Variants in TRAPPC9 observed in about 807,000 individuals in gnomAD.
The protein encoded by TRAPPC9 is trafficking protein particle complex subunit 9, also known as IKK2 binding protein.
Under a neutral mutation model 124.0 loss-of-function variants are expected in TRAPPC9, and 83 were observed. The ratio of observed to expected loss-of-function variants is 0.67; its 90% CI spans 0.56 to 0.80. The LOEUF (loss-of-function observed/expected upper bound fraction) is 0.80, where lower values mean the gene tolerates loss of function less well. Among genes scored for constraint, TRAPPC9 ranks in the 30% least tolerant of loss-of-function variants. The pLI, the probability that TRAPPC9 is intolerant of heterozygous loss-of-function variation, is 0.00. For synonymous variants in TRAPPC9, 638 were observed against 617.5 expected, an observed-to-expected ratio of 1.03 and a Z score of -0.49; for missense variants, 1,302 against 1,508.3, an observed-to-expected ratio of 0.86 and a Z score of 2.27.
At chr8:140,378,145 T>C (rs930696469) in intron 7 of TRAPPC9, among the ~76,000 whole-genome samples, 1 of 152,200 alleles carries the variant, frequency 6.6e-6, no homozygotes, top group Non-Finnish European at 1.5e-5. Flanking sequence ...GAGTTTGTGG[T>C]CACTCTTATA....
At chr8:139,816,854 A>C (rs1462903950) in intron 21 of TRAPPC9, among the ~76,000 whole-genome samples, 5 of 151,252 alleles carry the variant, frequency 3.3e-5, no homozygotes, top group Admixed American at 1.3e-4. Flanking sequence ...TTGGAACCAA[A>C]CTCACGGCCC....
chr8:140,458,474 G>T, upstream of TRAPPC9: 1 of 1,572,002 alleles, frequency 6.4e-7, no homozygotes, highest in Non-Finnish European at 8.6e-7. Flanking sequence ...CTCCAGGATC[G>T]CAGGGCCCGG....
At chr8:139,940,640 AG>A (rs1833854120) in intron 19 of TRAPPC9, among the ~76,000 whole-genome samples, 2 of 152,130 alleles carry the variant, frequency 1.3e-5, no homozygotes, top group Non-Finnish European at 1.5e-5. Context: ...GCCACGCTCC[AG>A]CTAGGCCAAT....
intron 21 of TRAPPC9, among the ~76,000 whole-genome samples, chr8:139,805,155 T>C (rs1823954513): frequency 6.6e-6 from 1 of 152,144 alleles, no homozygotes; most frequent in Admixed American, 6.5e-5. Flanking sequence ...CTCCTTCCAC[T>C]GTTGGATCCA....
chr8:140,201,342 G>C (rs1228689336), intron 17 of TRAPPC9, among the ~76,000 whole-genome samples: 1 of 152,180 alleles, frequency 6.6e-6, no homozygotes, highest in Non-Finnish European at 1.5e-5. Flanking sequence ...CTTGAGAGAA[G>C]GTCTCCCGTC....
intron 21 of TRAPPC9, among the ~76,000 whole-genome samples, chr8:139,855,908 A>AG (rs1206132720): frequency 5.9e-5 from 9 of 152,236 alleles, no homozygotes; most frequent in African/African-American, 2.2e-4. Flanking sequence ...CCACAGAACT[A>AG]GGGGGCAGTG....
At chr8:140,037,573 CCACACACACA>C (rs1297756166) in intron 17 of TRAPPC9, among the ~76,000 whole-genome samples, 1 of 151,280 alleles carries the variant, frequency 6.6e-6, no homozygotes, top group African/African-American at 2.4e-5. Flanking sequence ...CAAACACATA[CCACACACACA>C]CATACACACA....
At chr8:140,152,999 T>A (rs763343585) in intron 17 of TRAPPC9, among the ~76,000 whole-genome samples, 2 of 152,226 alleles carry the variant, frequency 1.3e-5, no homozygotes, top group Non-Finnish European at 2.9e-5. Context: ...AGTGTGATGT[T>A]AGCTGAGGGT....
chr8:140,171,362 CTTTA>C (rs1479232567), intron 17 of TRAPPC9, among the ~76,000 whole-genome samples: 1 of 152,090 alleles, frequency 6.6e-6, no homozygotes, highest in Non-Finnish European at 1.5e-5. Context: ...AATGCTGCAA[CTTTA>C]TTTATTCACC....
intron 21 of TRAPPC9, among the ~76,000 whole-genome samples, chr8:139,845,029 C>T (rs1394267234): frequency 6.6e-6 from 1 of 152,180 alleles, no homozygotes; most frequent in African/African-American, 2.4e-5. Flanking sequence ...CCTCTCCAGC[C>T]CTGCCCGGAT....
chr8:140,030,659 C>T (rs142701074), intron 17 of TRAPPC9, among the ~76,000 whole-genome samples: 7 of 152,220 alleles, frequency 4.6e-5, no homozygotes, highest in Admixed American at 1.3e-4. Flanking sequence ...ATTCACAAAA[C>T]GAAATACTAC....
chr8:139,765,168 A>C (rs1551759), intron 21 of TRAPPC9, among the ~76,000 whole-genome samples: 19 of 152,128 alleles, frequency 1.2e-4, no homozygotes, highest in Non-Finnish European at 2.1e-4. Context: ...GGTCCCCCCA[A>C]ACACACTCTC....
chr8:140,084,250 C>G (rs1042659461), intron 17 of TRAPPC9, among the ~76,000 whole-genome samples: 4 of 152,130 alleles, frequency 2.6e-5, no homozygotes, highest in Non-Finnish European at 5.9e-5. Context: ...CTATAGTAAA[C>G]ATGTTATACT....
Position 140,374,326 on chromosome 8 carries a change from T to G in TRAPPC9, c.1135-3146A>C, listed in dbSNP as rs148390424. Among the ~76,000 whole-genome samples the G allele has an allele frequency of 5.6e-3, 854 of 152,220 alleles. 7 individuals carry two copies. The highest frequency in any genetic ancestry group is 0.02 in the African/African-American group (818 of 41,556). On this transcript the variant is annotated intron_variant, in intron 7 of 22. Coordinates refer to ENST00000438773, the MANE Select transcript of TRAPPC9 (RefSeq NM_001160372.4). ...GGCGCACACCTGTAATCCCAGCACT[T>G]TGGGAGGCCGAGGCAGGCAGATCAC... is the stretch of plus-strand genomic sequence containing the variant.
chr8:140,126,831 A>G (rs901502501), intron 17 of TRAPPC9, among the ~76,000 whole-genome samples: 4 of 152,038 alleles, frequency 2.6e-5, no homozygotes, highest in African/African-American at 9.7e-5. Flanking sequence ...CAGGGAGTGG[A>G]CTCACGGGCG....
chr8:140,096,342 T>C (rs193157848), intron 17 of TRAPPC9: 37 of 152,362 alleles, frequency 2.4e-4, no homozygotes, highest in Non-Finnish European at 4.7e-4. Flanking sequence ...AGGGAGCCAC[T>C]GCAGAGAAAT....
intron 21 of TRAPPC9, among the ~76,000 whole-genome samples, chr8:139,867,616 C>A (rs1828635593): frequency 6.6e-6 from 1 of 152,198 alleles, no homozygotes; most frequent in African/African-American, 2.4e-5. Context: ...TTGTGGGCCA[C>A]CTGATAGACA....
chr8:140,064,222 A>C (rs1347516416), intron 17 of TRAPPC9, among the ~76,000 whole-genome samples: 1 of 152,182 alleles, frequency 6.6e-6, no homozygotes, highest in East Asian at 1.9e-4. Flanking sequence ...TATGAAAAAT[A>C]GCATTGTGTT....
At chr8:140,130,541 T>C (rs901047347) in intron 17 of TRAPPC9, among the ~76,000 whole-genome samples, 2 of 152,140 alleles carry the variant, frequency 1.3e-5, no homozygotes, top group East Asian at 1.9e-4. Context: ...GTCATGAACA[T>C]TAAAGAAAGC....
Sources: gnomAD v4.1 joint callset for allele counts (sites outside exome capture counted in the v4.1 genomes callset) on GRCh38, gnomAD v4.1.1 for gene constraint, MANE v1.5 for transcripts, NCBI Gene and HGNC (gene_info 2026-07-23, HGNC 2026-07-21) for gene names.